CDH12: variants seen among roughly 807,000 people sequenced by gnomAD.
The protein encoded by CDH12 is cadherin-12.
CDH12 carries 41 observed loss-of-function variants against 74.1 expected under a neutral mutation model. That is an observed-to-expected ratio of 0.55 (90% CI 0.43 to 0.72). The LOEUF (loss-of-function observed/expected upper bound fraction) is 0.72, where lower values mean the gene tolerates loss of function less well. Among genes scored for constraint, CDH12 ranks in the 30% least tolerant of loss-of-function variants. CDH12 has a pLI of 0.00. For synonymous variants in CDH12, 399 were observed against 355.0 expected, an observed-to-expected ratio of 1.12 and a Z score of -1.39; for missense variants, 945 against 977.2, an observed-to-expected ratio of 0.97 and a Z score of 0.44.
rs552782477 is a variant in CDH12, at chr5:22,361,423, TAAAAGAGGAC to T, written c.-333+43824_-333+43833del. Among the ~76,000 whole-genome samples the T allele has an allele frequency of 2.9e-3, 447 of 152,022 alleles. 2 individuals are homozygous for T. The highest frequency in any genetic ancestry group is 0.01 in the African/African-American group (426 of 41,458). On this transcript the variant is annotated intron_variant, in intron 3 of 14. Coordinates refer to ENST00000382254, the MANE Select transcript of CDH12 (RefSeq NM_004061.5). ...AACTACAAATCACTGCTCAATGAAA[TAAAAGAGGAC>T]ACAAACAAATGGAAGAACATTCCAT...
chr5:22,773,452 G>A (rs1032976183), intron 1 of CDH12, among the ~76,000 whole-genome samples: 17 of 152,104 alleles, frequency 1.1e-4, no homozygotes, highest in African/African-American at 4.1e-4. Flanking sequence ...CTAGCCATAT[G>A]CAGAATGAAA....
At chr5:22,555,559 T>A (rs1407537646) in intron 1 of CDH12, among the ~76,000 whole-genome samples, 1 of 151,930 alleles carries the variant, frequency 6.6e-6, no homozygotes, top group Admixed American at 6.6e-5. Flanking sequence ...TTTGAAAAAT[T>A]TTTTAGAATC....
chr5:21,898,060 A>G (rs1329235701), intron 6 of CDH12, among the ~76,000 whole-genome samples: 1 of 152,166 alleles, frequency 6.6e-6, no homozygotes, highest in Non-Finnish European at 1.5e-5. Context: ...AATGACAGGC[A>G]TGACCTTATG....
chr5:22,124,110 GC>G (rs1336200630), intron 4 of CDH12, among the ~76,000 whole-genome samples: 1 of 151,530 alleles, frequency 6.6e-6, no homozygotes, highest in Non-Finnish European at 1.5e-5. Context: ...TGGGATTACA[GC>G]GCGCGCCAAC....
chr5:21,905,905 C>T (rs1281944765), intron 6 of CDH12, among the ~76,000 whole-genome samples: 1 of 152,100 alleles, frequency 6.6e-6, no homozygotes, highest in Non-Finnish European at 1.5e-5. Context: ...ATAGCAATAA[C>T]TTTCTTCTGT....
chr5:22,237,755 A>T (rs1418968205), intron 3 of CDH12, among the ~76,000 whole-genome samples: 1 of 152,232 alleles, frequency 6.6e-6, no homozygotes, highest in Non-Finnish European at 1.5e-5. Flanking sequence ...TATAAATTTT[A>T]GACAGAAATC....
At chr5:22,155,268 T>C (rs1161998480) in intron 4 of CDH12, among the ~76,000 whole-genome samples, 1 of 152,118 alleles carries the variant, frequency 6.6e-6, no homozygotes, top group Non-Finnish European at 1.5e-5. Context: ...TATAGTGACA[T>C]TCCCTGGAAT....
chr5:22,742,401 G>A (rs930602179), intron 1 of CDH12, among the ~76,000 whole-genome samples: 12 of 152,080 alleles, frequency 7.9e-5, no homozygotes, highest in Admixed American at 3.9e-4. Flanking sequence ...ACAAAAAAGC[G>A]AAATAAGACC....
chr5:22,551,544 C>T (rs1029644741), intron 1 of CDH12, among the ~76,000 whole-genome samples: 3 of 151,968 alleles, frequency 2.0e-5, no homozygotes, highest in Non-Finnish European at 2.9e-5. Context: ...CTACAAAGGC[C>T]ATGCCAAGTA....
chr5:21,756,824 T>A (rs1008825757), intron 13 of CDH12, among the ~76,000 whole-genome samples: 2 of 152,200 alleles, frequency 1.3e-5, no homozygotes, highest in African/African-American at 4.8e-5. Context: ...TGTTACTATT[T>A]CAATCAGATT....
intron 6 of CDH12, among the ~76,000 whole-genome samples, chr5:21,918,180 G>T (rs530433246): frequency 6.6e-5 from 10 of 152,010 alleles, no homozygotes; most frequent in African/African-American, 2.4e-4. Flanking sequence ...CCTTAAAAAT[G>T]CTTATAAAAT....
intron 3 of CDH12, among the ~76,000 whole-genome samples, chr5:22,338,313 G>A (rs779890496): frequency 2.1e-4 from 32 of 152,076 alleles, no homozygotes; most frequent in Non-Finnish European, 3.8e-4. Context: ...GGTGAAATAA[G>A]CTGGTTACAA....
intron 8 of CDH12, among the ~76,000 whole-genome samples, chr5:21,831,571 A>T (rs1004661259): frequency 2.0e-5 from 3 of 152,212 alleles, no homozygotes; most frequent in African/African-American, 7.2e-5. Context: ...AATTCAGAAA[A>T]GCAGGCTAAG....
chr5:21,798,784 C>G (rs2149918054), intron 10 of CDH12, among the ~76,000 whole-genome samples: 1 of 152,228 alleles, frequency 6.6e-6, no homozygotes, highest in East Asian at 1.9e-4. Flanking sequence ...ACCTTTCCAG[C>G]TTTCAGAAAC....
At chr5:22,128,965 G>A (rs570575641) in intron 4 of CDH12, among the ~76,000 whole-genome samples, 24 of 152,258 alleles carry the variant, frequency 1.6e-4, no homozygotes, top group Admixed American at 6.5e-4. Context: ...TCTTCAAATT[G>A]TTCACATTTT....
At chr5:22,276,443 C>T (rs765152826) in intron 3 of CDH12, among the ~76,000 whole-genome samples, 7 of 151,994 alleles carry the variant, frequency 4.6e-5, no homozygotes, top group African/African-American at 1.2e-4. Flanking sequence ...CATGAGTTGC[C>T]GTAAATGAAT....
At chr5:21,790,711 G>A (rs1241681586) in intron 10 of CDH12, among the ~76,000 whole-genome samples, 1 of 152,040 alleles carries the variant, frequency 6.6e-6, no homozygotes, top group African/African-American at 2.4e-5. Context: ...GTATCAGCGT[G>A]TGAGTGTATG....
At chr5:22,188,335 C>T (rs1399930386) in intron 4 of CDH12, among the ~76,000 whole-genome samples, 3 of 151,660 alleles carry the variant, frequency 2.0e-5, no homozygotes, top group South Asian at 2.1e-4. Context: ...TGACACAGCA[C>T]GAAAGCCCTT....
chr5:22,518,717 C>T (rs959620965), intron 1 of CDH12, among the ~76,000 whole-genome samples: 1 of 152,056 alleles, frequency 6.6e-6, no homozygotes, highest in Non-Finnish European at 1.5e-5. Flanking sequence ...ACCCTGCCAC[C>T]AACTAATAGA....
Sources: allele counts gnomAD v4.1 joint callset (sites outside exome capture counted in the v4.1 genomes callset), GRCh38; gene constraint gnomAD v4.1.1; transcripts MANE v1.5; gene names NCBI Gene and HGNC (gene_info 2026-07-23, HGNC 2026-07-21).